Variants in ZNF18 observed in about 807,000 individuals in gnomAD.
The protein encoded by ZNF18 is heart development-specific gene 1 protein.
In ZNF18, 42 loss-of-function variants were observed where a neutral mutation model predicts 58.1. The ratio of observed to expected loss-of-function variants is 0.72; its 90% confidence interval spans 0.56 to 0.93. ZNF18 has a LOEUF of 0.93. ZNF18 is among the 40% of genes least tolerant of loss of function. The probability of loss-of-function intolerance (pLI) is 0.00; values close to 1 mark genes in which losing one functional copy is unlikely to be tolerated. For synonymous variants in ZNF18, 231 were observed against 239.8 expected, an observed-to-expected ratio of 0.96 and a Z score of 0.34; for missense variants, 540 against 644.2, an observed-to-expected ratio of 0.84 and a Z score of 1.75.
At chr17:11,989,964 T>G (rs982739996) in intron 4 of ZNF18, among the ~76,000 whole-genome samples, 1 of 152,124 alleles carries the variant, frequency 6.6e-6, no homozygotes, top group South Asian at 2.1e-4. Context: ...GTGGGACAAC[T>G]TGAAGAGCTC....
the ZNF18 span, among the ~76,000 whole-genome samples, chr17:12,006,226 T>C: frequency 1.1e-4 from 17 of 152,156 alleles, no homozygotes; most frequent in Non-Finnish European, 1.0e-4. Context: ...AGAAGGATAA[T>C]AATACAGGGA....
chr17:11,978,332 A>G lies in ZNF18; in HGVS notation c.1275T>C (p.Phe425=). 1 of 1,587,886 alleles carries G rather than the reference A, an allele frequency of 6.3e-7. No individual in the cohort carries two copies. The highest frequency in any genetic ancestry group is 8.6e-7 in the Non-Finnish European group (1 of 1,169,588). Residue 425 remains phenylalanine, a synonymous_variant, in exon 7 of 7, where the codon TTT becomes TTC. Transcript: ENST00000580306. ...TCTCTCCGGTGTGAGTTCTTTGGTG[A>G]AAAATAAGCTGAGAATTCCTATAAA... is the stretch of plus-strand genomic sequence containing the variant. The part of the protein sequence containing the change: ...KTFYRNSQLI[F]HQRTHTGETY...
upstream of ZNF18, among the ~76,000 whole-genome samples, chr17:12,000,180 C>T (rs963043247): frequency 6.6e-6 from 1 of 152,138 alleles, no homozygotes; most frequent in Non-Finnish European, 1.5e-5. Context: ...CTCAGTCTCC[C>T]AAAGTGCTGG....
chr17:12,008,075 C>T, the ZNF18 span, among the ~76,000 whole-genome samples: 3 of 152,164 alleles, frequency 2.0e-5, no homozygotes, highest in African/African-American at 7.2e-5. Flanking sequence ...CGTGGAGATA[C>T]GAAGAAGCAG....
the ZNF18 span, among the ~76,000 whole-genome samples, chr17:12,004,703 A>G: frequency 6.6e-6 from 1 of 152,264 alleles, no homozygotes; most frequent in Admixed American, 6.5e-5. Context: ...CCTGGCCAAC[A>G]TAGAGAAACC....
chr17:12,011,149 GAAC>G, the ZNF18 span: 1 of 600,276 alleles, frequency 1.7e-6, no homozygotes, highest in African/African-American at 1.9e-5. Flanking sequence ...ACGGCCAAAG[GAAC>G]AACTCCATGT....
At chr17:12,018,324 A>T in the ZNF18 span, among the ~76,000 whole-genome samples, 99 of 152,320 alleles carry the variant, frequency 6.5e-4, no homozygotes, top group Middle Eastern at 6.8e-3. Flanking sequence ...ATAGCAAAAG[A>T]ACCAATAAAC....
Position 11,990,490 on chromosome 17 carries a change from C to A in ZNF18, c.638G>T (p.Gly213Val), listed in dbSNP as rs1968037964. 1 of 1,612,994 alleles carries A rather than the reference C, an allele frequency of 6.2e-7. No individual in the cohort carries two copies. Among genetic ancestry groups the A allele is most frequent in the African/African-American group, 1.3e-5 (1 of 74,912 alleles). ...EERLIRDQDL[G>V]ASLLPAAPQE... ...AGGTGCTGCTGGGAGCAGTGAGGCT[C>A]CGAGGTCCTGGTCTCTGATCAGCCT... is the stretch of plus-strand genomic sequence containing the variant. The change falls in exon 4 of 7, where the codon GGA (glycine) becomes GTA (valine). Residue 213 changes from glycine (G) to valine (V), a missense_variant. Physicochemically the swap from Gly to Val is moderately radical, Grantham distance 109 (BLOSUM62 -3). Coordinates refer to ENST00000580306, the MANE Select transcript of ZNF18 (RefSeq NM_001303281.2).
chr17:12,020,444 T>C, the ZNF18 span, among the ~76,000 whole-genome samples: 1 of 152,054 alleles, frequency 6.6e-6, no homozygotes, highest in East Asian at 1.9e-4. Context: ...CTGGAAGTGA[T>C]GTGTTAGCGA....
upstream of ZNF18, among the ~76,000 whole-genome samples, chr17:11,997,867 C>T (rs1357766943): frequency 6.6e-6 from 1 of 152,216 alleles, no homozygotes; most frequent in African/African-American, 2.4e-5. Flanking sequence ...TAACCGCCGC[C>T]TTTCTCCTTT....
chr17:11,983,568 C>G (rs1967521306), intron 5 of ZNF18, among the ~76,000 whole-genome samples, 161 bp from the exon 6 acceptor site: 1 of 152,066 alleles, frequency 6.6e-6, no homozygotes, highest in Non-Finnish European at 1.5e-5. Context: ...TGTAAGACAC[C>G]AGTACTCACA....
rs138899825 is a variant in ZNF18 at position 11,983,758 on chromosome 17, T to A, written c.752-351A>T. On this transcript the variant is annotated intron_variant, in intron 5 of 6. Coordinates refer to ENST00000580306, the MANE Select transcript of ZNF18 (RefSeq NM_001303281.2). The stretch of plus-strand genomic sequence containing the variant: ...GACTCAGAACCAGCCACAGCTGAGT[T>A]CCATCATAACTCAGCCCACTTATGA... Among the ~76,000 whole-genome samples the A allele has an allele frequency of 2.3e-3, 353 of 151,772 alleles. 1 individual carries two copies. Among genetic ancestry groups the A allele is most frequent in the African/African-American group, 8.3e-3 (344 of 41,484 alleles).
rs1172958148 is a variant in ZNF18, at chr17:11,990,515, T to C, written c.613A>G (p.Arg205Gly). The change falls in exon 4 of 7, where the codon AGG becomes GGG. Residue 205 changes from arginine to glycine, a missense_variant. Physicochemically the swap from Arg to Gly is moderately radical, Grantham distance 125 (BLOSUM62 -2). Coordinates refer to ENST00000580306, the MANE Select transcript of ZNF18 (RefSeq NM_001303281.2). The part of the protein sequence containing the change: ...AASQPARLEE[R>G]LIRDQDLGAS... ...CCGAGGTCCTGGTCTCTGATCAGCC[T>C]TTCCTCCAGTCGGGCAGGCTGGGAG... 8 of 1,612,306 alleles carry C rather than the reference T, an allele frequency of 5.0e-6. No individual in the cohort carries two copies. Among genetic ancestry groups the C allele is most frequent in the South Asian group, 1.1e-5 (1 of 90,322 alleles).
intron 6 of ZNF18, among the ~76,000 whole-genome samples, 171 bp downstream of exon 6, chr17:11,983,126 A>G (rs530038774): frequency 6.6e-6 from 1 of 152,188 alleles, no homozygotes. Flanking sequence ...ATAGCCAGAG[A>G]TAAGTAGACT....
In ZNF18 at chr17:11,978,047, A is replaced by G. The variant is rs767925114; in HGVS notation, c.1560T>C (p.Tyr520=). 2.5e-5 allele frequency: 41 copies of G among 1,613,412 alleles called. No individual in the cohort carries two copies. In the South Asian group the frequency reaches 4.5e-4, roughly 18 times the overall value. Residue 520 remains tyrosine, a synonymous_variant, in exon 7 of 7, where the codon TAT becomes TAC. Coordinates refer to ENST00000580306, the MANE Select transcript of ZNF18 (RefSeq NM_001303281.2). ...AACTTTTCCCACAGTGCGAACATTT[A>G]TAAGGTTTCTCTCCAGTGTGAACCC... ...HQRVHTGEKP[Y]KCSHCGKSFS... is the part of the protein sequence containing the mutation.
Position 11,995,401 on chromosome 17 carries a change from G to A in ZNF18, c.-83+2030C>T, listed in dbSNP as rs114337272. Among the ~76,000 whole-genome samples, 694 of 151,604 alleles carry A rather than the reference G, an allele frequency of 4.6e-3. 10 individuals are homozygous for A. The highest frequency in any genetic ancestry group is 0.016 in the African/African-American group (666 of 41,374). On this transcript the variant is annotated intron_variant, in intron 1 of 6. Transcript: ENST00000580306. ...TGCAAGAAAAAAAAAAAGAAACCCA[G>A]GCCAGGCGCGGTGGGTCACGCCTGC...
rs1567595649 is a variant in ZNF18, at chr17:11,978,064, T to C, written c.1543A>G (p.Thr515Ala). The C allele has an allele frequency of 6.2e-7, 1 of 1,614,176 alleles. No individual in the cohort carries two copies. The highest frequency in any genetic ancestry group is 8.5e-7 in the Non-Finnish European group (1 of 1,180,030). ...GAACATTTATAAGGTTTCTCTCCAG[T>C]GTGAACCCTCTGATGTCTATTAAAG... ...SNFNRHQRVHTGEKPYKCSHC... is the reference protein window; with the variant it reads ...SNFNRHQRVHAGEKPYKCSHC... Residue 515 changes from threonine to alanine, a missense_variant, in exon 7 of 7, where the codon ACT (threonine) becomes GCT (alanine). Physicochemically the swap from Thr to Ala is moderately conservative, Grantham distance 58. Transcript: ENST00000580306.
the ZNF18 span, among the ~76,000 whole-genome samples, chr17:12,015,704 A>AT: frequency 4.6e-5 from 7 of 151,928 alleles, no homozygotes; most frequent in African/African-American, 1.7e-4. Context: ...TCATTCAACC[A>AT]TTTTTTCAAA....
intron 4 of ZNF18, among the ~76,000 whole-genome samples, chr17:11,985,900 T>C (rs900238039): frequency 1.3e-5 from 2 of 152,184 alleles, no homozygotes; most frequent in African/African-American, 2.4e-5. Context: ...CTTCAGGGAA[T>C]AGAAATGAGG....
Sources: allele counts gnomAD v4.1 joint callset (sites outside exome capture counted in the v4.1 genomes callset), GRCh38; gene constraint gnomAD v4.1.1; transcripts MANE v1.5; gene names NCBI Gene and HGNC (gene_info 2026-07-23, HGNC 2026-07-21).